ANXA8: variants seen among roughly 807,000 people sequenced by gnomAD.
The protein encoded by ANXA8 is VAC-beta.
Under a neutral mutation model 26.8 loss-of-function variants are expected in ANXA8, and 9 were observed. That is an observed-to-expected ratio of 0.34 (90% CI 0.20 to 0.59). The LOEUF is 0.59. ANXA8 is among the 20% of genes least tolerant of loss of function. The probability of loss-of-function intolerance (pLI) is 0.84; values close to 1 mark genes in which losing one functional copy is unlikely to be tolerated. For synonymous variants in ANXA8, 39 were observed against 94.8 expected (o/e 0.41, Z 3.42); for missense variants, 83 against 238.5 (o/e 0.35, Z 4.29).
At chr10:47,733,171 T>TTCTTTCTTTCTCTCTCTCTCTCTC in the ANXA8 span, among the ~76,000 whole-genome samples, 1 of 100,814 alleles carries the variant, frequency 9.9e-6, no homozygotes, top group Admixed American at 1.1e-4. Context: ...CTTTCTTTCT[T>TTCTTTCTTTCTCTCTCTCTCTCTC]TCTTTCTTTC....
the ANXA8 span, among the ~76,000 whole-genome samples, chr10:47,703,602 AG>A: frequency 1.3e-5 from 2 of 151,428 alleles, no homozygotes; most frequent in Non-Finnish European, 2.9e-5. Flanking sequence ...ACAAAAATAG[AG>A]AATTACCATC....
At chr10:47,744,881 A>C in the ANXA8 span, among the ~76,000 whole-genome samples, 3 of 152,000 alleles carry the variant, frequency 2.0e-5, no homozygotes, top group African/African-American at 7.2e-5. Context: ...TTGACCAAAA[A>C]TGTGTCCTGT....
chr10:47,566,772 G>T, the ANXA8 span, among the ~76,000 whole-genome samples: 2 of 127,702 alleles, frequency 1.6e-5, no homozygotes, highest in Non-Finnish European at 3.4e-5. Flanking sequence ...CCCAACTCCT[G>T]CCAGAGCCCC....
chr10:47,595,074 A>T, the ANXA8 span, among the ~76,000 whole-genome samples: 1 of 148,900 alleles, frequency 6.7e-6, no homozygotes, highest in Admixed American at 6.6e-5. Flanking sequence ...ACTTCTCAGA[A>T]GAAACCTTAC....
chr10:47,667,826 C>T, the ANXA8 span, among the ~76,000 whole-genome samples: 1 of 151,960 alleles, frequency 6.6e-6, no homozygotes, highest in Non-Finnish European at 1.5e-5. Flanking sequence ...TAACCTCCGC[C>T]TACTGGGTTC....
the ANXA8 span, among the ~76,000 whole-genome samples, chr10:47,613,023 A>AT: frequency 1.3e-5 from 1 of 74,130 alleles, no homozygotes; most frequent in African/African-American, 3.9e-5. Context: ...TTCAGTATGT[A>AT]TTTTTTTTAC....
At chr10:47,540,472 G>A in the ANXA8 span, among the ~76,000 whole-genome samples, 1 of 125,446 alleles carries the variant, frequency 8.0e-6, no homozygotes, top group Non-Finnish European at 1.7e-5. Flanking sequence ...TTGCTCAAAA[G>A]GGAAGTTAGG....
At chr10:47,945,102 A>G in the ANXA8 span, among the ~76,000 whole-genome samples, 2 of 150,428 alleles carry the variant, frequency 1.3e-5, no homozygotes, top group Non-Finnish European at 2.9e-5. Context: ...CTGACCCCCA[A>G]GACTGGCTCA....
the ANXA8 span, among the ~76,000 whole-genome samples, chr10:47,492,983 G>T: frequency 1.3e-5 from 2 of 151,416 alleles, no homozygotes; most frequent in African/African-American, 4.9e-5. Flanking sequence ...GGACTCGGGA[G>T]CTGAGACCCT....
At chr10:47,686,245 T>A in the ANXA8 span, among the ~76,000 whole-genome samples, 1 of 149,402 alleles carries the variant, frequency 6.7e-6, no homozygotes, top group East Asian at 2.0e-4. Flanking sequence ...TTTTTTTTTT[T>A]TGAGACAGAG....
chr10:47,691,031 A>G, the ANXA8 span: 2 of 1,610,996 alleles, frequency 1.2e-6, no homozygotes, highest in Non-Finnish European at 1.7e-6. Flanking sequence ...CCAGAAGTAT[A>G]ATTGTTTAGT....
chr10:47,488,712 A>ATTTTTTTTTTTTT (rs1840088979), upstream of ANXA8, among the ~76,000 whole-genome samples: 2 of 95,980 alleles, frequency 2.1e-5, no homozygotes, highest in Non-Finnish European at 4.0e-5. Context: ...TTACATGTTA[A>ATTTTTTTTTTTTT]ATTTTTTTTT....
At chr10:47,528,383 T>TAA in the ANXA8 span, among the ~76,000 whole-genome samples, 1 of 107,242 alleles carries the variant, frequency 9.3e-6, no homozygotes, top group Admixed American at 9.6e-5. Flanking sequence ...CGGCTAGACT[T>TAA]AAAAAAAAAA....
the ANXA8 span, among the ~76,000 whole-genome samples, chr10:47,733,221 CTCT>C: frequency 1.7e-5 from 1 of 58,188 alleles, no homozygotes; most frequent in African/African-American, 6.5e-5. Flanking sequence ...TTCTTTCTTT[CTCT>C]TTCTTTCTCT....
chr10:47,659,285 C>T, the ANXA8 span, among the ~76,000 whole-genome samples: 3 of 151,844 alleles, frequency 2.0e-5, no homozygotes, highest in African/African-American at 4.9e-5. Flanking sequence ...TTTTCAAGTA[C>T]GTTCTTCTTT....
chr10:47,498,429 G>C, the ANXA8 span, among the ~76,000 whole-genome samples: 1 of 142,078 alleles, frequency 7.0e-6, no homozygotes, highest in African/African-American at 2.6e-5. Context: ...TCCATCTTTT[G>C]ACGAGTGTGA....
At chr10:47,617,980 A>C in the ANXA8 span, among the ~76,000 whole-genome samples, 1 of 116,612 alleles carries the variant, frequency 8.6e-6, no homozygotes, top group African/African-American at 3.3e-5. Flanking sequence ...ATTGTATTAA[A>C]TGGCATTTTG....
chr10:47,623,369 TA>T, the ANXA8 span, among the ~76,000 whole-genome samples: 8 of 112,558 alleles, frequency 7.1e-5, 2 homozygotes, highest in East Asian at 1.3e-3. Context: ...TAGGTTACTT[TA>T]AAAAAATATA....
the ANXA8 span, among the ~76,000 whole-genome samples, chr10:47,530,233 CA>C: frequency 7.1e-6 from 1 of 141,700 alleles, no homozygotes; most frequent in African/African-American, 2.6e-5. Context: ...CTGTTTTTCA[CA>C]AGGTTTGAGT....
Sources: gnomAD v4.1 joint callset for allele counts (sites outside exome capture counted in the v4.1 genomes callset) on GRCh38, gnomAD v4.1.1 for gene constraint, MANE v1.5 for transcripts, NCBI Gene and HGNC (gene_info 2026-07-23, HGNC 2026-07-21) for gene names.